RPS6KA5: variants seen among roughly 807,000 people sequenced by gnomAD.
The protein encoded by RPS6KA5 is ribosomal protein S6 kinase alpha-5.
Under a neutral mutation model 85.5 loss-of-function variants are expected in RPS6KA5, and 27 were observed. That is an observed-to-expected ratio of 0.32 (90% confidence interval 0.23 to 0.44). The LOEUF (loss-of-function observed/expected upper bound fraction) is 0.44. RPS6KA5 is among the 20% of genes least tolerant of loss of function. The pLI is 1.00. For missense variants in RPS6KA5, 811 were observed against 980.9 expected, an observed-to-expected ratio of 0.83 and a Z score of 2.31; for synonymous variants, 334 against 348.2, an observed-to-expected ratio of 0.96 and a Z score of 0.46.
At chr14:90,879,704 A>G (rs1256502782) in intron 14 of RPS6KA5, among the ~76,000 whole-genome samples, 1 of 152,066 alleles carries the variant, frequency 6.6e-6, no homozygotes, top group African/African-American at 2.4e-5. Context: ...CTTTAATAAC[A>G]TAATATGACA....
At chr14:90,880,372 C>T (rs2033756457) in intron 14 of RPS6KA5, among the ~76,000 whole-genome samples, 1 of 152,184 alleles carries the variant, frequency 6.6e-6, no homozygotes, top group Admixed American at 6.5e-5. Context: ...TGAACATACA[C>T]TATTTGTCTT....
chr14:90,972,462 T>C (rs940585769), intron 3 of RPS6KA5, among the ~76,000 whole-genome samples: 3 of 152,160 alleles, frequency 2.0e-5, no homozygotes, highest in Admixed American at 1.3e-4. Flanking sequence ...CCCAAACATA[T>C]ATGAGAATTT....
At chr14:90,932,022 A>G (rs968448110) in intron 5 of RPS6KA5, among the ~76,000 whole-genome samples, 8 of 152,254 alleles carry the variant, frequency 5.3e-5, no homozygotes, top group Non-Finnish European at 1.0e-4. Flanking sequence ...AATTAAAATT[A>G]ATCCACCACA....
Position 90,868,117 on chromosome 14 carries a change from T to C in RPS6KA5, c.*3957A>G, listed in dbSNP as rs1595082875. Reference sequence around the variant, plus strand: ...ATTTTCTCTAAAGAATGTCACAATTTGGAGTGAAGTTACTTAACAAAACAG... The same window carrying C: ...ATTTTCTCTAAAGAATGTCACAATTCGGAGTGAAGTTACTTAACAAAACAG... On this transcript the variant is annotated 3_prime_UTR_variant, in exon 17 of 17. Transcript: ENST00000614987. 6.6e-6 allele frequency: 1 copy of C among 152,218 alleles called. No homozygotes were observed. Among genetic ancestry groups the C allele is most frequent in the East Asian group, 1.9e-4 (1 of 5,204 alleles). The allele number at this position is 152,218 out of a possible 1,614,324, so 9.4% of individuals were successfully genotyped here. A position where few individuals can be genotyped will look rare whatever the true frequency, so the allele number is the denominator to read the frequency against.
chr14:90,947,665 T>A (rs975850228), intron 3 of RPS6KA5, 115 bp from the exon 4 acceptor site: 2 of 633,966 alleles, frequency 3.2e-6, no homozygotes, highest in East Asian at 2.8e-5. Context: ...TATTGCTATA[T>A]ACAATTTAGC....
At position 91,060,355 on chromosome 14, in the gene RPS6KA5, G is replaced by A; in HGVS notation, c.80C>T (p.Thr27Ile). The A allele has an allele frequency of 7.4e-6, 11 of 1,478,564 alleles. No homozygotes were observed. The highest frequency in any genetic ancestry group is 9.9e-6 in the Non-Finnish European group (11 of 1,107,760). The allele number at this position is 1,478,564 out of a possible 1,614,324, so 91.6% of individuals were successfully genotyped here. A position where few individuals can be genotyped will look rare whatever the true frequency, so the allele number is the denominator to read the frequency against. ...DGGDGGEQLL[T>I]VKHELRTANL... ...ACCAGTCCGCAGCTCGTGCTTGACA[G>A]TGAGGAGCTGCTCTCCTCCGTCGCC... Residue 27 changes from threonine (T) to isoleucine (I), a missense_variant, in exon 1 of 17, where the codon ACT becomes ATT. Coordinates refer to ENST00000614987, the MANE Select transcript of RPS6KA5 (RefSeq NM_004755.4).
chr14:90,945,120 C>T (rs189348760), intron 4 of RPS6KA5, among the ~76,000 whole-genome samples: 1 of 151,630 alleles, frequency 6.6e-6, no homozygotes, highest in Non-Finnish European at 1.5e-5. Flanking sequence ...GGTGTGGTTG[C>T]GCATGCCTGT....
At chr14:90,928,108 T>C (rs2036779628) in intron 5 of RPS6KA5, among the ~76,000 whole-genome samples, 1 of 151,812 alleles carries the variant, frequency 6.6e-6, no homozygotes, top group Non-Finnish European at 1.5e-5. Flanking sequence ...TTGTACTTTT[T>C]GTAGAGAGAC....
chr14:91,009,821 C>T (rs557378204), intron 1 of RPS6KA5, among the ~76,000 whole-genome samples: 156 of 152,210 alleles, frequency 1.0e-3, no homozygotes, highest in African/African-American at 3.7e-3. Context: ...TTAAGACGAA[C>T]GCCCTTCAAG....
intron 1 of RPS6KA5, among the ~76,000 whole-genome samples, chr14:91,038,417 G>GA (rs1262051392): frequency 1.3e-5 from 2 of 152,122 alleles, no homozygotes; most frequent in African/African-American, 2.4e-5. Context: ...ATACAAAATA[G>GA]AAAAAAGTAA....
At chr14:91,007,657 C>T (rs1264221029) in intron 1 of RPS6KA5, among the ~76,000 whole-genome samples, 5 of 151,600 alleles carry the variant, frequency 3.3e-5, no homozygotes, top group African/African-American at 1.2e-4. Flanking sequence ...TTCCCATCAA[C>T]AGTGCAAGAG....
intron 3 of RPS6KA5, among the ~76,000 whole-genome samples, chr14:90,976,924 T>C (rs911131421): frequency 6.6e-6 from 1 of 152,040 alleles, no homozygotes; most frequent in African/African-American, 2.4e-5. Context: ...AATGGCCAAA[T>C]ATATATTAAA....
At position 90,859,365 on chromosome 14, in the gene RPS6KA5, A is replaced by C. The variant is rs2032431410; in HGVS notation, c.*12709T>G. 6.6e-6 allele frequency: 1 copy of C among 152,224 alleles called. No homozygotes were observed. Among genetic ancestry groups the C allele is most frequent in the Non-Finnish European group, 1.5e-5 (1 of 68,048 alleles). 9.4% of individuals were successfully genotyped at this position (152,224 alleles called of 1,614,324 possible). On this transcript the variant is annotated 3_prime_UTR_variant, in exon 17 of 17. Coordinates refer to ENST00000614987, the MANE Select transcript of RPS6KA5 (RefSeq NM_004755.4). ...GCATGCTAAAAAACAGCACCAAATG[A>C]CTGACAACAGACAATGGAAACAAAC...
intron 3 of RPS6KA5, among the ~76,000 whole-genome samples, chr14:90,959,797 G>C (rs2038704268): frequency 6.6e-6 from 1 of 152,184 alleles, no homozygotes; most frequent in Non-Finnish European, 1.5e-5. Flanking sequence ...TCTGAGAAGA[G>C]AGAATCCACA....
intron 8 of RPS6KA5, among the ~76,000 whole-genome samples, chr14:90,905,256 C>A (rs1446996983): frequency 6.6e-6 from 1 of 151,900 alleles, no homozygotes; most frequent in East Asian, 1.9e-4. Flanking sequence ...TGAAGCTTAA[C>A]TGACAGTTTT....
chr14:91,044,260 AGG>A (rs2042717867), intron 1 of RPS6KA5, among the ~76,000 whole-genome samples: 1 of 59,738 alleles, frequency 1.7e-5, no homozygotes, highest in Non-Finnish European at 3.5e-5. Context: ...GGAGAGAGAG[AGG>A]GAGAGAGAGA....
intron 1 of RPS6KA5, among the ~76,000 whole-genome samples, chr14:91,031,994 T>G (rs2042205313): frequency 6.6e-6 from 1 of 152,196 alleles, no homozygotes; most frequent in African/African-American, 2.4e-5. Flanking sequence ...AATTTTAAAA[T>G]TAAACAAAGA....
intron 7 of RPS6KA5, among the ~76,000 whole-genome samples, chr14:90,912,904 CTTTTTTTTTTTTTT>C (rs57029403): frequency 1.9e-5 from 1 of 53,288 alleles, no homozygotes; most frequent in Non-Finnish European, 3.2e-5. Flanking sequence ...CATAAAGCAT[CTTTTTTTTTTTTTT>C]TTTTTTTTTT....
chr14:91,000,067 C>T (rs1055198673), intron 2 of RPS6KA5, among the ~76,000 whole-genome samples: 3 of 152,154 alleles, frequency 2.0e-5, no homozygotes, highest in Admixed American at 6.5e-5. Flanking sequence ...CAAAGTGCCT[C>T]CCAAAGTGCT....
Sources: gnomAD v4.1 joint callset for allele counts (sites outside exome capture counted in the v4.1 genomes callset) on GRCh38, gnomAD v4.1.1 for gene constraint, MANE v1.5 for transcripts, NCBI Gene and HGNC (gene_info 2026-07-23, HGNC 2026-07-21) for gene names.